DLGAP3: variants seen among roughly 807,000 people sequenced by gnomAD.
The protein encoded by DLGAP3 is DLG associated protein 3.
A neutral mutation model predicts 81.2 loss-of-function variants in DLGAP3; 17 were observed. The ratio of observed to expected loss-of-function variants is 0.21; its 90% CI spans 0.14 to 0.31. The LOEUF (loss-of-function observed/expected upper bound fraction) is 0.31. Ranked by LOEUF, DLGAP3 falls within the 10% of genes least tolerant of loss-of-function variation. The pLI is 1.00. For synonymous variants in DLGAP3, 577 were observed against 587.4 expected, an observed-to-expected ratio of 0.98 and a Z score of 0.26; for missense variants, 1,124 against 1,388.0, an observed-to-expected ratio of 0.81 and a Z score of 3.02.
At chr1:34,915,692 G>A (rs532289406) in intron 1 of DLGAP3, among the ~76,000 whole-genome samples, 4 of 152,262 alleles carry the variant, frequency 2.6e-5, no homozygotes, top group East Asian at 3.9e-4. Flanking sequence ...CCAGGTTCAC[G>A]TCGTGGCACC....
At position 34,867,470 on chromosome 1, in the gene DLGAP3, C is replaced by A. The variant is rs1404722992; in HGVS notation, c.2577+66G>T. 7.1e-7 allele frequency: 1 copy of A among 1,417,598 alleles called. No homozygotes were observed. Among genetic ancestry groups the A allele is most frequent in the Non-Finnish European group, 1.0e-6 (1 of 1,000,682 alleles). The allele number at this position is 1,417,598 out of a possible 1,614,324, so 87.8% of individuals were successfully genotyped here. ...CTCACTCTGGGTCACCTGCCTGTCT[C>A]ACCTCCAGCACACACACACTCTGGG... On this transcript the variant is annotated intron_variant, in intron 10 of 11. Coordinates refer to ENST00000373347, the MANE Select transcript of DLGAP3 (RefSeq NM_001080418.3). This position sits in a 1 kb window ranked among gnomAD's most constrained non-coding sequence, Gnocchi z 4.3.
intron 7 of DLGAP3, 69 bp downstream of exon 7, chr1:34,885,409 T>C (rs958459350): frequency 6.5e-7 from 1 of 1,528,204 alleles, no homozygotes; most frequent in African/African-American, 1.4e-5. Flanking sequence ...AGAAGGCCGC[T>C]TCCAGCCCCT....
Position 34,885,512 on chromosome 1 carries a change from C to G in DLGAP3, c.1880G>C (p.Arg627Pro). 1 of 1,609,242 alleles carries G rather than the reference C, an allele frequency of 6.2e-7. No individual in the cohort carries two copies. Among genetic ancestry groups the G allele is most frequent in the Non-Finnish European group, 8.5e-7 (1 of 1,179,856 alleles). The change falls in exon 7 of 12, where the codon CGG becomes CCG. Residue 627 changes from arginine (R) to proline (P), a missense_variant. Arg to Pro is a moderately radical substitution (Grantham distance 103). This residue lies in a region of DLGAP3 where 379 missense variants were observed against 455.7 expected (regional missense o/e 0.83). Transcript: ENST00000373347. The stretch of plus-strand genomic sequence containing the variant: ...AATGGACGGCCGCCACTTCCGCTGC[C>G]GCGCCAGGCTCCGCAGCTCCTCCCT... ...PGREELRSLA[R>P]QRKWRPSIGV... is the part of the protein sequence containing the mutation.
intron 1 of DLGAP3, among the ~76,000 whole-genome samples, chr1:34,927,596 T>A (rs768036555): frequency 5.9e-5 from 9 of 152,160 alleles, no homozygotes; most frequent in Non-Finnish European, 1.2e-4. Flanking sequence ...TTCATGTTCC[T>A]TTTAGAAACA....
chr1:34,917,347 T>A (rs762469724), intron 1 of DLGAP3, among the ~76,000 whole-genome samples: 4 of 127,906 alleles, frequency 3.1e-5, no homozygotes, highest in Non-Finnish European at 6.5e-5. Context: ...TCCTTTTTCC[T>A]TTTTTTTTTT....
At chr1:34,928,858 C>T (rs889984349) in intron 1 of DLGAP3, among the ~76,000 whole-genome samples, 10 of 151,984 alleles carry the variant, frequency 6.6e-5, no homozygotes, top group African/African-American at 2.4e-4. Context: ...ACAACACACA[C>T]TCATTCACTC....
intron 1 of DLGAP3, among the ~76,000 whole-genome samples, chr1:34,908,657 C>G (rs374779629): frequency 6.6e-6 from 1 of 152,176 alleles, no homozygotes; most frequent in Non-Finnish European, 1.5e-5. Flanking sequence ...GGAAGAGGCA[C>G]AGTCAGACAT....
At chr1:34,920,806 C>T (rs1639785782) in intron 1 of DLGAP3, among the ~76,000 whole-genome samples, 1 of 152,290 alleles carries the variant, frequency 6.6e-6, no homozygotes, top group Non-Finnish European at 1.5e-5. Context: ...ATGAACAAAA[C>T]AGATGAAGCT....
rs766214978 is a variant in DLGAP3, at chr1:34,867,650, G to T, written c.2486-23C>A. ...GGACTAGAAAGCAGAAGGAAATTCA[G>T]GGAGGGAAATGATGCATCTCCTTCC... On this transcript the variant is annotated intron_variant, in intron 9 of 11. Coordinates refer to ENST00000373347, the MANE Select transcript of DLGAP3 (RefSeq NM_001080418.3). The surrounding 1 kb of genome is among the most constrained non-coding windows in gnomAD (Gnocchi z 4.3). 6 of 1,589,678 alleles carry T rather than the reference G, an allele frequency of 3.8e-6. No individual in the cohort carries two copies. The East Asian group carries it at 1.3e-4, about 35-fold the overall frequency.
intron 1 of DLGAP3, among the ~76,000 whole-genome samples, chr1:34,914,611 G>A (rs1221026794): frequency 6.6e-6 from 1 of 152,198 alleles, no homozygotes; most frequent in East Asian, 1.9e-4. Context: ...CTCAAGTTCA[G>A]TTTCCCCATT....
chr1:34,899,536 G>A (rs1639423516), intron 5 of DLGAP3, 133 bp downstream of exon 5: 1 of 838,694 alleles, frequency 1.2e-6, no homozygotes, highest in African/African-American at 1.7e-5. Flanking sequence ...TCCTAAGGCA[G>A]GTTTCCCAGT....
rs1569616786 is a variant in DLGAP3, at chr1:34,885,733, G to A, written c.1659C>T (p.Arg553=). The A allele has an allele frequency of 7.0e-7, 1 of 1,418,870 alleles. No homozygotes were observed. The highest frequency in any genetic ancestry group is 1.6e-5 in the South Asian group (1 of 62,626). 87.9% of individuals were successfully genotyped at this position (1,418,870 alleles called of 1,614,324 possible). ...TGCTGCTCTGGGCGGTGATGGAGAT[G>A]CGGGGCGGGGCCTGGCTTCCCGGCG... The part of the protein sequence containing the change: ...PIPPGSQAPP[R]ISITAQSSTD... The change falls in exon 7 of 12, where the codon CGC becomes CGT. Residue 553 remains arginine, a synonymous_variant. Coordinates refer to ENST00000373347, the MANE Select transcript of DLGAP3 (RefSeq NM_001080418.3).
intron 1 of DLGAP3, among the ~76,000 whole-genome samples, chr1:34,925,987 T>C (rs1404537707): frequency 6.6e-6 from 1 of 152,220 alleles, no homozygotes; most frequent in Non-Finnish European, 1.5e-5. Context: ...GGCACAAGCA[T>C]GTTCTGATGC....
intron 1 of DLGAP3, among the ~76,000 whole-genome samples, chr1:34,920,467 T>C (rs1467219672): frequency 6.6e-6 from 1 of 152,246 alleles, no homozygotes; most frequent in African/African-American, 2.4e-5. Context: ...AAGACACTTT[T>C]ACTTTCCTCC....
chr1:34,895,895 G>A lies in DLGAP3; in HGVS notation c.1386+3774C>T, dbSNP rs1473444578. On this transcript the variant is annotated intron_variant, in intron 5 of 11. Transcript: ENST00000373347. This position sits in a 1 kb window ranked among gnomAD's most constrained non-coding sequence, Gnocchi z 4.5. ...ATCCGCATTCAAAAACATAAAGCTG[G>A]ACCCCTAACTTGAATCACACATACA... 1.3e-5 allele frequency among the ~76,000 whole-genome samples: 2 copies of A among 149,402 alleles called. No individual in the cohort carries two copies. The highest frequency in any genetic ancestry group is 2.5e-5 in the African/African-American group (1 of 40,100).
chr1:34,918,825 C>A (rs916241221), intron 1 of DLGAP3, among the ~76,000 whole-genome samples: 1 of 152,154 alleles, frequency 6.6e-6, no homozygotes, highest in Admixed American at 6.5e-5. Flanking sequence ...CATGCACACT[C>A]CGAGGCCAGA....
chr1:34,912,293 C>T (rs1279390464), intron 1 of DLGAP3, among the ~76,000 whole-genome samples: 1 of 152,192 alleles, frequency 6.6e-6, no homozygotes, highest in Non-Finnish European at 1.5e-5. Flanking sequence ...AGACACTCAC[C>T]TGGGGAAAAG....
At chr1:34,897,594 T>G (rs757382219) in intron 5 of DLGAP3, among the ~76,000 whole-genome samples, 1 of 152,142 alleles carries the variant, frequency 6.6e-6, no homozygotes, top group African/African-American at 2.4e-5. Flanking sequence ...TCGAAAGCCA[T>G]GGTTAGGTTC....
rs6662980 is a variant in DLGAP3 at position 34,894,477 on chromosome 1, A to T, written c.1386+5192T>A. On this transcript the variant is annotated intron_variant, in intron 5 of 11. Transcript: ENST00000373347. ...GCAAAACTGCAGAACAATAAAATCA[A>T]AGCAAGATCTCAACAGCAACCTGAG... is the stretch of plus-strand genomic sequence containing the variant. Among the ~76,000 whole-genome samples the T allele has an allele frequency of 2.0e-4, 31 of 152,140 alleles. No individual in the cohort carries two copies. In the East Asian group the frequency reaches 5.4e-3, roughly 27 times the overall value.
Sources: gnomAD v4.1 joint callset for allele counts (sites outside exome capture counted in the v4.1 genomes callset) on GRCh38, gnomAD v4.1.1 for gene constraint, gnomAD v4.1.1 regional missense constraint, Gnocchi (gnomAD v3.1) non-coding constraint, MANE v1.5 for transcripts, NCBI Gene and HGNC (gene_info 2026-07-23, HGNC 2026-07-21) for gene names.